Variants in BICD1 observed in about 807,000 individuals in gnomAD.
BICD1 encodes the protein BICD cargo adaptor 1, also known as protein bicaudal D homolog 1.
Under a neutral mutation model 92.5 loss-of-function variants are expected in BICD1, and 35 were observed. That is an observed-to-expected ratio of 0.38 (90% CI 0.29 to 0.50). The LOEUF is 0.50. Among genes scored for constraint, BICD1 ranks in the 20% least tolerant of loss-of-function variants. The pLI is 0.93. For missense variants in BICD1, 950 were observed against 1,189.8 expected (o/e 0.80, Z 2.97); for synonymous variants, 429 against 465.1 (o/e 0.92, Z 1.00).
intron 4 of BICD1, among the ~76,000 whole-genome samples, chr12:32,326,527 G>T (rs1948781013): frequency 1.3e-5 from 2 of 152,172 alleles, no homozygotes; most frequent in Non-Finnish European, 2.9e-5. Context: ...TGAAGGAATT[G>T]AATTGACTTA....
At chr12:32,320,925 G>A (rs1296175403) in intron 4 of BICD1, among the ~76,000 whole-genome samples, 3 of 152,140 alleles carry the variant, frequency 2.0e-5, no homozygotes, top group Admixed American at 6.5e-5. Flanking sequence ...TCAACTCTCT[G>A]TTGGATAAAT....
intron 1 of BICD1, among the ~76,000 whole-genome samples, chr12:32,134,914 C>T (rs924727733): frequency 3.9e-5 from 6 of 152,098 alleles, no homozygotes; most frequent in Non-Finnish European, 2.9e-5. Context: ...TTTCAAGAAA[C>T]AGAATCACAT....
At chr12:32,157,699 CT>C (rs1943481379) in intron 1 of BICD1, among the ~76,000 whole-genome samples, 1 of 152,202 alleles carries the variant, frequency 6.6e-6, no homozygotes, top group African/African-American at 2.4e-5. Context: ...TGGTTTCCTA[CT>C]TTTCCTCTTC....
chr12:32,258,661 G>A (rs757613970), intron 2 of BICD1, among the ~76,000 whole-genome samples: 39 of 152,172 alleles, frequency 2.6e-4, no homozygotes, highest in South Asian at 4.1e-4. Context: ...GGTCAAGCAA[G>A]TCACGTGATC....
Position 32,337,997 on chromosome 12 carries a change from T to A in BICD1, c.2570+181T>A. On this transcript the variant is annotated intron_variant, in intron 7 of 9. Coordinates refer to ENST00000652176, the MANE Select transcript of BICD1 (RefSeq NM_001714.4). This position sits in a 1 kb window ranked among gnomAD's most constrained non-coding sequence, Gnocchi z 4.7. ...GATCAAAACCTTTTTGATAATTGTG[T>A]TTATGTAGTCCTTTCTAACCCCCTG... The A allele has an allele frequency of 3.2e-6, 2 of 625,550 alleles. No homozygotes were observed. Among genetic ancestry groups the A allele is most frequent in the Non-Finnish European group, 5.5e-6 (2 of 364,096 alleles). The allele number at this position is 625,550 out of a possible 1,614,324, so 38.7% of individuals were successfully genotyped here. A position where few individuals can be genotyped will look rare whatever the true frequency, so the allele number is the denominator to read the frequency against.
rs538813249 is a variant in BICD1 at position 32,211,981 on chromosome 12, T to C, written c.214-4266T>C. Among the ~76,000 whole-genome samples, 5 of 152,332 alleles carry C rather than the reference T, an allele frequency of 3.3e-5. 1 individual carries two copies. The highest frequency in any genetic ancestry group is 2.0e-4 in the Admixed American group (3 of 15,302). On this transcript the variant is annotated intron_variant, in intron 1 of 9. Transcript: ENST00000652176. ...TCTGCAAAGATAATTTCTCATCTAT[T>C]CATGAGTACCTGTGCTTATCACCAC...
chr12:32,158,159 G>T (rs568929984), intron 1 of BICD1, among the ~76,000 whole-genome samples: 1 of 146,748 alleles, frequency 6.8e-6, no homozygotes, highest in South Asian at 2.2e-4. Context: ...AGGCTGGAGT[G>T]CAGTGGTGCA....
intron 8 of BICD1, among the ~76,000 whole-genome samples, chr12:32,363,699 C>G (rs1939417836): frequency 6.6e-6 from 1 of 152,132 alleles, no homozygotes; most frequent in Non-Finnish European, 1.5e-5. Context: ...TAGATTCAGT[C>G]TAATTTAATT....
intron 2 of BICD1, among the ~76,000 whole-genome samples, chr12:32,239,005 G>T (rs1946157130): frequency 6.6e-6 from 1 of 150,986 alleles, no homozygotes; most frequent in African/African-American, 2.4e-5. Flanking sequence ...CCAGCACTTT[G>T]GGAGGCCGAG....
At chr12:32,301,603 CT>C (rs961313329) in intron 3 of BICD1, among the ~76,000 whole-genome samples, 1 of 149,528 alleles carries the variant, frequency 6.7e-6, no homozygotes, top group African/African-American at 2.5e-5. Context: ...GGTACAAAAC[CT>C]TGTCTCTACA....
intron 4 of BICD1, among the ~76,000 whole-genome samples, chr12:32,325,865 G>A (rs1370032758): frequency 3.3e-5 from 5 of 151,740 alleles, no homozygotes; most frequent in African/African-American, 1.2e-4. Flanking sequence ...GGCGGATCAC[G>A]AGGTCAGGAG....
At chr12:32,184,821 G>A (rs1944383728) in intron 1 of BICD1, among the ~76,000 whole-genome samples, 1 of 152,110 alleles carries the variant, frequency 6.6e-6, no homozygotes, top group South Asian at 2.1e-4. Context: ...TGTGTTTTAT[G>A]GTTTAATAGA....
At chr12:32,210,387 A>C (rs1217896787) in intron 1 of BICD1, among the ~76,000 whole-genome samples, 1 of 152,202 alleles carries the variant, frequency 6.6e-6, no homozygotes, top group Non-Finnish European at 1.5e-5. Flanking sequence ...AATGATATTA[A>C]ATATACTAGT....
chr12:32,338,046 C>A, intron 7 of BICD1: 1 of 473,748 alleles, frequency 2.1e-6, no homozygotes, highest in East Asian at 3.5e-5. Flanking sequence ...CTTGATTAAT[C>A]GTAATATAAT....
chr12:32,359,968 G>A (rs1285888946), intron 8 of BICD1, among the ~76,000 whole-genome samples: 1 of 152,104 alleles, frequency 6.6e-6, no homozygotes, highest in African/African-American at 2.4e-5. Flanking sequence ...GGCAGATCAC[G>A]AGGTCAGGGG....
chr12:32,262,393 T>G (rs1251565367), intron 2 of BICD1, among the ~76,000 whole-genome samples: 1 of 152,184 alleles, frequency 6.6e-6, no homozygotes, highest in African/African-American at 2.4e-5. Context: ...CCCTCCCTGA[T>G]GTCTTCACCA....
At chr12:32,213,224 C>G (rs1945266176) in intron 1 of BICD1, among the ~76,000 whole-genome samples, 1 of 152,158 alleles carries the variant, frequency 6.6e-6, no homozygotes, top group Non-Finnish European at 1.5e-5. Context: ...AGGAGTCTTT[C>G]TATAATTTTC....
rs189577173 is a variant in BICD1 at position 32,139,943 on chromosome 12, T to C, written c.213+32399T>C. On this transcript the variant is annotated intron_variant, in intron 1 of 9. Transcript: ENST00000652176. ...TTTCAGAGTCTTCTATAAGGTCTTA[T>C]ACCAGCCGAGAAGCAGCAGAACCAT... 2.4e-3 allele frequency among the ~76,000 whole-genome samples: 358 copies of C among 152,332 alleles called. 2 individuals carry two copies. The highest frequency in any genetic ancestry group is 8.0e-3 in the African/African-American group (334 of 41,568).
chr12:32,339,923 C>T (rs886690272), intron 8 of BICD1: 18 of 847,102 alleles, frequency 2.1e-5, no homozygotes, highest in South Asian at 1.1e-4. Context: ...TGCGTTCACG[C>T]ATGTCAACAC....
Sources: gnomAD v4.1 joint callset for allele counts (sites outside exome capture counted in the v4.1 genomes callset) on GRCh38, gnomAD v4.1.1 for gene constraint, Gnocchi (gnomAD v3.1) non-coding constraint, MANE v1.5 for transcripts, NCBI Gene and HGNC (gene_info 2026-07-23, HGNC 2026-07-21) for gene names.